The following SIPA1L1 variants were observed in gnomAD, a reference collection of about 807,000 sequenced individuals.
SIPA1L1 encodes the protein signal induced proliferation associated 1 like 1, also known as signal-induced proliferation-associated 1-like protein 1.
A neutral mutation model predicts 162.7 loss-of-function variants in SIPA1L1; 26 were observed. The observed-to-expected ratio is 0.16, with a 90% CI of 0.12 to 0.22. The LOEUF (loss-of-function observed/expected upper bound fraction) is 0.22, where lower values mean the gene tolerates loss of function less well. Ranked by LOEUF, SIPA1L1 falls within the 10% of genes least tolerant of loss-of-function variation. SIPA1L1 has a pLI of 1.00. For missense variants in SIPA1L1, 1,874 were observed against 2,241.0 expected (o/e 0.84, Z 3.31); for synonymous variants, 829 against 837.4 (o/e 0.99, Z 0.17).
intron 17 of SIPA1L1, among the ~76,000 whole-genome samples, chr14:71,713,064 G>A (rs1320793684): frequency 6.6e-6 from 1 of 152,184 alleles, no homozygotes; most frequent in Non-Finnish European, 1.5e-5. Flanking sequence ...TGAGCAAATA[G>A]GAATAACTAG....
chr14:71,557,028 C>G (rs920268494), intron 4 of SIPA1L1, among the ~76,000 whole-genome samples: 1 of 152,154 alleles, frequency 6.6e-6, no homozygotes, highest in Non-Finnish European at 1.5e-5. Flanking sequence ...CTAAAGTACC[C>G]CAGCATTATA....
chr14:71,576,680 G>A (rs1199156087), intron 4 of SIPA1L1: 2 of 152,166 alleles, frequency 1.3e-5, no homozygotes, highest in Non-Finnish European at 1.5e-5. Flanking sequence ...AGGGCACAGT[G>A]GTTTGTTTAG....
At chr14:71,381,260 G>A (rs763529001) in intron 2 of SIPA1L1, among the ~76,000 whole-genome samples, 2 of 152,032 alleles carry the variant, frequency 1.3e-5, no homozygotes, top group South Asian at 2.1e-4. Context: ...CACTGTGTTA[G>A]CCAGGATGGT....
At chr14:71,500,259 A>G (rs1595782323) in intron 2 of SIPA1L1, among the ~76,000 whole-genome samples, 1 of 152,314 alleles carries the variant, frequency 6.6e-6, no homozygotes, top group East Asian at 1.9e-4. Context: ...CATAACCACA[A>G]TACATAAAGA....
chr14:71,611,856 A>G (rs865831681), intron 5 of SIPA1L1, among the ~76,000 whole-genome samples: 12 of 152,308 alleles, frequency 7.9e-5, no homozygotes, highest in African/African-American at 7.2e-5. Context: ...TACTGCTGCA[A>G]TAAACATATG....
At chr14:71,595,474 C>G (rs2035926335) in intron 5 of SIPA1L1, among the ~76,000 whole-genome samples, 1 of 152,198 alleles carries the variant, frequency 6.6e-6, no homozygotes, top group Non-Finnish European at 1.5e-5. Flanking sequence ...AACTATACAG[C>G]TTTGATTATT....
At chr14:71,629,805 G>C (rs2040391787) in intron 7 of SIPA1L1, among the ~76,000 whole-genome samples, 1 of 152,224 alleles carries the variant, frequency 6.6e-6, no homozygotes, top group Non-Finnish European at 1.5e-5. Context: ...GAGTAAGGGA[G>C]AAAGTGATCA....
chr14:71,681,410 A>T (rs114640600), intron 12 of SIPA1L1, among the ~76,000 whole-genome samples: 1 of 152,216 alleles, frequency 6.6e-6, no homozygotes, highest in Non-Finnish European at 1.5e-5. Context: ...GTTGAGGGCC[A>T]CTAGCCTATA....
At chr14:71,714,316 G>A (rs866094436) in intron 17 of SIPA1L1, among the ~76,000 whole-genome samples, 1 of 152,186 alleles carries the variant, frequency 6.6e-6, no homozygotes, top group East Asian at 1.9e-4. Flanking sequence ...TGAGCCCTCT[G>A]TCAAGCCACA....
chr14:71,524,708 C>G (rs2145053739), intron 3 of SIPA1L1, among the ~76,000 whole-genome samples: 1 of 152,306 alleles, frequency 6.6e-6, no homozygotes, highest in East Asian at 1.9e-4. Context: ...CTTGGCCTCT[C>G]AAAGTGCTGG....
intron 2 of SIPA1L1, among the ~76,000 whole-genome samples, chr14:71,454,958 T>C (rs1019648316): frequency 4.6e-5 from 7 of 152,220 alleles, no homozygotes; most frequent in Admixed American, 3.3e-4. Flanking sequence ...CTTTCACGGA[T>C]ACTGTATTCC....
intron 22 of SIPA1L1, 73 bp from the exon 23 acceptor site, chr14:71,738,161 TAAAAAAA>T (rs34549978): frequency 1.3e-3 from 485 of 367,936 alleles, no homozygotes; most frequent in South Asian, 1.6e-3. Context: ...CTCCTCAGAG[TAAAAAAA>T]AAAAAAAAAA....
intron 4 of SIPA1L1, among the ~76,000 whole-genome samples, chr14:71,543,820 T>C (rs1234209941): frequency 6.7e-6 from 1 of 150,216 alleles, no homozygotes; most frequent in Non-Finnish European, 1.5e-5. Flanking sequence ...TATATGTATG[T>C]GTATATATAC....
intron 4 of SIPA1L1, among the ~76,000 whole-genome samples, chr14:71,569,533 T>C (rs918825642): frequency 6.6e-6 from 1 of 152,224 alleles, no homozygotes; most frequent in African/African-American, 2.4e-5. Flanking sequence ...GACACTGAAA[T>C]GTATCCTAGA....
chr14:71,709,462 G>A lies in SIPA1L1; in HGVS notation c.4006G>A (p.Glu1336Lys), dbSNP rs2082709161. The A allele has an allele frequency of 6.2e-7, 1 of 1,614,244 alleles. No individual in the cohort carries two copies. The highest frequency in any genetic ancestry group is 8.5e-7 in the Non-Finnish European group (1 of 1,180,052). Residue 1336 changes from glutamate (E) to lysine (K), a missense_variant, in exon 17 of 24, where the codon GAG becomes AAG. By Grantham distance (56) the Glu-to-Lys change is moderately conservative. This residue lies in a region of SIPA1L1 where 936 missense variants were observed against 1,051.9 expected (regional missense o/e 0.89). Coordinates refer to ENST00000381232, the MANE Select transcript of SIPA1L1 (RefSeq NM_001386936.1). ...TSSPRSGPGK[E>K]KVAPLWHSSS... ...GTCACCTCGCTCAGGGCCAGGCAAG[G>A]AGAAAGTGGCACCCCTATGGCACAG...
intron 2 of SIPA1L1, among the ~76,000 whole-genome samples, chr14:71,408,436 GTCCCCC>G (rs1566984319): frequency 3.3e-5 from 5 of 152,084 alleles, no homozygotes. Flanking sequence ...TCTGTCTCCT[GTCCCCC>G]AGTTTCAGAA....
At chr14:71,652,437 CAAATGTTCA>C (rs1254567330) in intron 8 of SIPA1L1, among the ~76,000 whole-genome samples, 1 of 152,156 alleles carries the variant, frequency 6.6e-6, no homozygotes, top group African/African-American at 2.4e-5. Flanking sequence ...CTTTTCAGAA[CAAATGTTCA>C]AGGATCATTC....
intron 8 of SIPA1L1, among the ~76,000 whole-genome samples, chr14:71,655,993 T>C (rs1032984786): frequency 6.6e-6 from 1 of 152,202 alleles, no homozygotes; most frequent in African/African-American, 2.4e-5. Flanking sequence ...GTTTAATACC[T>C]CTATGAAGTG....
At chr14:71,559,771 A>T (rs2056635453) in intron 4 of SIPA1L1, among the ~76,000 whole-genome samples, 1 of 152,198 alleles carries the variant, frequency 6.6e-6, no homozygotes, top group Non-Finnish European at 1.5e-5. Flanking sequence ...AATTTCCAAA[A>T]GCATGTTTTC....
Sources: allele counts gnomAD v4.1 joint callset (sites outside exome capture counted in the v4.1 genomes callset), GRCh38; gene constraint gnomAD v4.1.1; regional missense constraint gnomAD v4.1.1; transcripts MANE v1.5; gene names NCBI Gene and HGNC (gene_info 2026-07-23, HGNC 2026-07-21).